The following VWA8 variants were observed in gnomAD, a reference collection of about 807,000 sequenced individuals.
The protein encoded by VWA8 is von Willebrand factor A domain containing 8, also known as von Willebrand factor A domain-containing protein 8.
VWA8 carries 221 observed loss-of-function variants against 241.5 expected under a neutral mutation model. The observed-to-expected ratio is 0.91, with a 90% CI of 0.82 to 1.02. The LOEUF (loss-of-function observed/expected upper bound fraction) is 1.02, where lower values mean the gene tolerates loss of function less well. VWA8 is among the 50% of genes least tolerant of loss of function. The probability of loss-of-function intolerance (pLI) is 0.00; values close to 1 mark genes in which losing one functional copy is unlikely to be tolerated. For synonymous variants in VWA8, 852 were observed against 827.1 expected (o/e 1.03, Z -0.52); for missense variants, 2,322 against 2,328.7 (o/e 1.00, Z 0.06).
intron 13 of VWA8, 42 bp downstream of exon 13, chr13:41,833,329 T>G: frequency 2.6e-6 from 4 of 1,554,600 alleles, no homozygotes; most frequent in Non-Finnish European, 3.5e-6. Context: ...TAAGTCAGAG[T>G]GGGGTGTGTG....
chr13:41,854,332 C>T (rs1872651855), intron 12 of VWA8, among the ~76,000 whole-genome samples: 1 of 151,882 alleles, frequency 6.6e-6, no homozygotes, highest in Non-Finnish European at 1.5e-5. Context: ...CTGTTCCTGA[C>T]CAACCAAAGG....
chr13:41,939,161 G>T, intron 2 of VWA8, among the ~76,000 whole-genome samples: 1 of 152,142 alleles, frequency 6.6e-6, no homozygotes, highest in Non-Finnish European at 1.5e-5. Context: ...ACAAGATTAT[G>T]TAAGCAAGCA....
chr13:41,692,952 TAAC>T lies in VWA8; in HGVS notation c.3582_3584del (p.Leu1195del). ...GATGAAGGGCCCGGCCAGTAGTATCTAACAACAGGATAACATTACTCTGCAAAT... is the reference window on the plus strand; with the variant it reads ...GATGAAGGGCCCGGCCAGTAGTATCTAACAGGATAACATTACTCTGCAAAT... On this transcript the variant is annotated inframe_deletion, in exon 30 of 45. Coordinates refer to ENST00000379310, the MANE Select transcript of VWA8 (RefSeq NM_015058.2). 6.2e-7 allele frequency: 1 copy of T among 1,608,842 alleles called. No individual in the cohort carries two copies. The highest frequency in any genetic ancestry group is 8.5e-7 in the Non-Finnish European group (1 of 1,176,886).
chr13:41,571,283 G>GTCTCCCTCTCCCA (rs1566370754), intron 43 of VWA8, among the ~76,000 whole-genome samples: 1 of 119,778 alleles, frequency 8.3e-6, no homozygotes. Context: ...TCCCTCTCCC[G>GTCTCCCTCTCCCA]TCTCCCTCTC....
At chr13:41,812,856 G>A (rs745425754) in intron 16 of VWA8, among the ~76,000 whole-genome samples, 2 of 152,092 alleles carry the variant, frequency 1.3e-5, no homozygotes, top group Non-Finnish European at 2.9e-5. Context: ...TCCAGATATG[G>A]AGACAATATT....
intron 9 of VWA8, among the ~76,000 whole-genome samples, chr13:41,869,152 T>C (rs1235533119): frequency 6.6e-6 from 1 of 152,160 alleles, no homozygotes; most frequent in Non-Finnish European, 1.5e-5. Context: ...AGGCCCATAT[T>C]GGTTTATTCT....
chr13:41,751,425 T>A (rs1321451691), intron 21 of VWA8, among the ~76,000 whole-genome samples: 2 of 152,156 alleles, frequency 1.3e-5, no homozygotes, highest in African/African-American at 4.8e-5. Context: ...AGGGCTCCAG[T>A]TCTCTAGTGC....
intron 21 of VWA8, among the ~76,000 whole-genome samples, chr13:41,747,565 C>T (rs1004203100): frequency 3.9e-5 from 6 of 152,150 alleles, no homozygotes; most frequent in African/African-American, 1.4e-4. Context: ...TTGACTTCTT[C>T]TTTTCCTAAT....
intron 10 of VWA8, among the ~76,000 whole-genome samples, chr13:41,867,685 G>A (rs1011098922): frequency 6.6e-6 from 1 of 152,076 alleles, no homozygotes; most frequent in Admixed American, 6.6e-5. Flanking sequence ...ACAGTAACAT[G>A]AATTAATATT....
chr13:41,954,915 C>T (rs1460557396), intron 1 of VWA8, among the ~76,000 whole-genome samples: 1 of 152,028 alleles, frequency 6.6e-6, no homozygotes, highest in African/African-American at 2.4e-5. Context: ...TTTTAAAATC[C>T]TCCTAGCAGA....
intron 30 of VWA8, among the ~76,000 whole-genome samples, chr13:41,692,177 C>A (rs1288615651): frequency 6.6e-6 from 1 of 151,914 alleles, no homozygotes; most frequent in Non-Finnish European, 1.5e-5. Context: ...AAAAACAACA[C>A]CAAACATTGT....
At chr13:41,711,626 G>A (rs990915345) in intron 26 of VWA8, among the ~76,000 whole-genome samples, 1 of 152,170 alleles carries the variant, frequency 6.6e-6, no homozygotes, top group Admixed American at 6.5e-5. Flanking sequence ...TGTAATCCCA[G>A]CACTTTGGGA....
chr13:41,765,976 T>A (rs553370349), intron 20 of VWA8, among the ~76,000 whole-genome samples: 227 of 152,280 alleles, frequency 1.5e-3, no homozygotes, highest in African/African-American at 5.2e-3. Flanking sequence ...CATGATGACG[T>A]ACTGGCCAGA....
intron 39 of VWA8, among the ~76,000 whole-genome samples, chr13:41,608,334 A>G (rs948221760): frequency 6.6e-6 from 1 of 152,164 alleles, no homozygotes; most frequent in Non-Finnish European, 1.5e-5. Flanking sequence ...ATGTAGAAAG[A>G]AAAGAAATTT....
intron 12 of VWA8, among the ~76,000 whole-genome samples, chr13:41,838,515 T>A (rs905385641): frequency 2.0e-5 from 3 of 152,140 alleles, no homozygotes; most frequent in African/African-American, 7.2e-5. Flanking sequence ...TCAACCAGGT[T>A]TAAAAAATAC....
intron 35 of VWA8, among the ~76,000 whole-genome samples, chr13:41,677,785 T>C (rs2045070512): frequency 6.6e-6 from 1 of 151,958 alleles, no homozygotes; most frequent in African/African-American, 2.4e-5. Context: ...TATTCATCCA[T>C]CCATCCATCC....
chr13:41,920,204 C>T (rs999625229), intron 2 of VWA8, among the ~76,000 whole-genome samples: 3 of 152,116 alleles, frequency 2.0e-5, no homozygotes, highest in Non-Finnish European at 4.4e-5. Context: ...GCTCAAGTTG[C>T]CACTGTGCCC....
intron 17 of VWA8, among the ~76,000 whole-genome samples, chr13:41,809,917 C>A (rs1036600618): frequency 2.0e-5 from 3 of 152,054 alleles, no homozygotes; most frequent in Non-Finnish European, 4.4e-5. Context: ...GCCTAATAAT[C>A]TGATTATACA....
chr13:41,726,612 T>C (rs2137856874), intron 24 of VWA8, among the ~76,000 whole-genome samples: 1 of 152,232 alleles, frequency 6.6e-6, no homozygotes, highest in South Asian at 2.1e-4. Context: ...AAGTATAGTG[T>C]AATGGTTTAA....
Sources: allele counts gnomAD v4.1 joint callset (sites outside exome capture counted in the v4.1 genomes callset), GRCh38; gene constraint gnomAD v4.1.1; transcripts MANE v1.5; gene names NCBI Gene and HGNC (gene_info 2026-07-23, HGNC 2026-07-21).